CDH18: variants seen among roughly 807,000 people sequenced by gnomAD.
CDH18 encodes the protein cadherin 18, also known as cadherin-18.
In CDH18, 31 loss-of-function variants were observed where a neutral mutation model predicts 67.9. The observed-to-expected ratio is 0.46, with a 90% CI of 0.34 to 0.62. The LOEUF (loss-of-function observed/expected upper bound fraction) is 0.62. Ranked by LOEUF, CDH18 falls within the 20% of genes least tolerant of loss-of-function variation. CDH18 has a pLI of 0.01. For synonymous variants in CDH18, 362 were observed against 347.2 expected, an observed-to-expected ratio of 1.04 and a Z score of -0.48; for missense variants, 890 against 975.5, an observed-to-expected ratio of 0.91 and a Z score of 1.17.
At position 19,593,522 on chromosome 5, in the gene CDH18, A is replaced by AC. The variant is rs1745525679; in HGVS notation, c.812-2279_812-2278insG. Among the ~76,000 whole-genome samples, 9 of 151,354 alleles carry AC rather than the reference A, an allele frequency of 5.9e-5. No homozygotes were observed. The South Asian group carries it at 1.9e-3, about 32-fold the overall frequency. ...CCATTTTTTAATCAGGTTATTGATCATTTTTTTCCTTCCTTCTTCTCCTTC... is the reference window on the plus strand; with the variant it reads ...CCATTTTTTAATCAGGTTATTGATCACTTTTTTTCCTTCCTTCTTCTCCTTC... On this transcript the variant is annotated intron_variant, in intron 6 of 12. Coordinates refer to ENST00000382275, the MANE Select transcript of CDH18 (RefSeq NM_004934.5).
At chr5:20,116,423 G>A (rs960590626) in intron 2 of CDH18, among the ~76,000 whole-genome samples, 16 of 151,896 alleles carry the variant, frequency 1.1e-4, no homozygotes, top group South Asian at 2.1e-4. Context: ...AGGCTGAGAC[G>A]GAGAATCACT....
chr5:20,536,059 T>C (rs1756696424), intron 1 of CDH18, among the ~76,000 whole-genome samples: 1 of 152,196 alleles, frequency 6.6e-6, no homozygotes, highest in Non-Finnish European at 1.5e-5. Context: ...ATATTTAGCT[T>C]AGTTTTATAA....
chr5:19,578,186 G>T (rs1439635568), intron 7 of CDH18, among the ~76,000 whole-genome samples: 1 of 152,134 alleles, frequency 6.6e-6, no homozygotes, highest in African/African-American at 2.4e-5. Flanking sequence ...AGCATTCCTA[G>T]GAAACGAATG....
chr5:19,675,933 C>T (rs1043152036), intron 5 of CDH18, among the ~76,000 whole-genome samples: 3 of 151,914 alleles, frequency 2.0e-5, no homozygotes, highest in African/African-American at 7.2e-5. Flanking sequence ...TCTGACATGG[C>T]TTCAGCCTGT....
At chr5:19,960,008 T>A (rs1796633012) in intron 2 of CDH18, among the ~76,000 whole-genome samples, 1 of 152,086 alleles carries the variant, frequency 6.6e-6, no homozygotes, top group Non-Finnish European at 1.5e-5. Flanking sequence ...AGGAAGCTTG[T>A]GGGACTGAAA....
chr5:20,315,284 T>C (rs928181764), intron 1 of CDH18, among the ~76,000 whole-genome samples: 1 of 152,080 alleles, frequency 6.6e-6, no homozygotes, highest in Non-Finnish European at 1.5e-5. Context: ...CATACAGTGC[T>C]ACTCTTCATT....
intron 3 of CDH18, among the ~76,000 whole-genome samples, chr5:19,809,581 T>C (rs1207683357): frequency 6.6e-6 from 1 of 152,194 alleles, no homozygotes; most frequent in Non-Finnish European, 1.5e-5. Flanking sequence ...CAAAGAATTT[T>C]GTGGTTATTA....
At chr5:19,727,827 G>T (rs1469964650) in intron 4 of CDH18, among the ~76,000 whole-genome samples, 2 of 152,136 alleles carry the variant, frequency 1.3e-5, no homozygotes, top group Non-Finnish European at 2.9e-5. Context: ...AAATAAAGAT[G>T]AATATCTGAT....
intron 3 of CDH18, among the ~76,000 whole-genome samples, chr5:19,802,404 G>GT (rs1360432006): frequency 2.0e-5 from 3 of 152,024 alleles, no homozygotes; most frequent in African/African-American, 7.2e-5. Context: ...GGACACTGGA[G>GT]TAAGTTTAAA....
chr5:20,108,989 T>C (rs994182593), intron 2 of CDH18, among the ~76,000 whole-genome samples: 1 of 152,192 alleles, frequency 6.6e-6, no homozygotes, highest in Non-Finnish European at 1.5e-5. Flanking sequence ...TGGCACTAAG[T>C]TGTGAGTGTT....
At chr5:20,229,133 C>T (rs67920001) in intron 2 of CDH18, among the ~76,000 whole-genome samples, 11,917 of 151,966 alleles carry the variant, frequency 0.078, 547 homozygotes, top group East Asian at 0.14. Flanking sequence ...ACCTGGAGAA[C>T]ATTAAATGGC....
At chr5:20,237,866 C>A (rs891382583) in intron 2 of CDH18, among the ~76,000 whole-genome samples, 1 of 151,704 alleles carries the variant, frequency 6.6e-6, no homozygotes, top group African/African-American at 2.4e-5. Context: ...ATAACTATAA[C>A]AAAACTAAAG....
intron 2 of CDH18, among the ~76,000 whole-genome samples, chr5:20,211,281 G>C (rs1439245279): frequency 6.6e-6 from 1 of 152,108 alleles, no homozygotes; most frequent in African/African-American, 2.4e-5. Context: ...GCTCAATGAG[G>C]CCTGCCTGCC....
chr5:19,832,089 A>G (rs1430411974), intron 3 of CDH18, among the ~76,000 whole-genome samples: 2 of 152,074 alleles, frequency 1.3e-5, no homozygotes, highest in African/African-American at 4.8e-5. Context: ...AACATTAGAC[A>G]GGGGACTACA....
intron 2 of CDH18, among the ~76,000 whole-genome samples, chr5:20,051,102 C>A (rs1204333618): frequency 1.3e-5 from 2 of 151,840 alleles, no homozygotes; most frequent in Non-Finnish European, 2.9e-5. Flanking sequence ...AAAATCGTGG[C>A]TAGTGTGTTT....
At chr5:19,619,598 T>C (rs1013340642) in intron 5 of CDH18, among the ~76,000 whole-genome samples, 6 of 152,186 alleles carry the variant, frequency 3.9e-5, no homozygotes, top group Admixed American at 1.3e-4. Context: ...TGGCAGAGAT[T>C]AGGTACTCAG....
chr5:19,699,525 G>T (rs1762939223), intron 5 of CDH18, among the ~76,000 whole-genome samples: 1 of 151,980 alleles, frequency 6.6e-6, no homozygotes, highest in South Asian at 2.1e-4. Context: ...GAGGTAATTA[G>T]TTCATAAGGG....
At chr5:20,446,627 C>A (rs531465174) in intron 1 of CDH18, among the ~76,000 whole-genome samples, 1 of 152,198 alleles carries the variant, frequency 6.6e-6, no homozygotes, top group Non-Finnish European at 1.5e-5. Flanking sequence ...AACTAAATAG[C>A]AGACTCCCGT....
At chr5:20,481,687 C>T (rs77798405) in intron 1 of CDH18, among the ~76,000 whole-genome samples, 7,535 of 152,058 alleles carry the variant, frequency 0.05, 608 homozygotes, top group African/African-American at 0.17. Context: ...AATTAAACGA[C>T]ATGCTCCTAA....
Sources: allele counts gnomAD v4.1 joint callset (sites outside exome capture counted in the v4.1 genomes callset), GRCh38; gene constraint gnomAD v4.1.1; transcripts MANE v1.5; gene names NCBI Gene and HGNC (gene_info 2026-07-23, HGNC 2026-07-21).